The following SYNPR variants were observed in gnomAD, a reference collection of about 807,000 sequenced individuals.
SYNPR encodes the protein synaptoporin.
A neutral mutation model predicts 32.9 loss-of-function variants in SYNPR; 23 were observed. The ratio of observed to expected loss-of-function variants is 0.70; its 90% CI spans 0.50 to 0.99. The LOEUF (loss-of-function observed/expected upper bound fraction) is 0.99. Among genes scored for constraint, SYNPR ranks in the 50% least tolerant of loss-of-function variants. The pLI is 0.00. For synonymous variants in SYNPR, 146 were observed against 135.9 expected (o/e 1.07, Z -0.52); for missense variants, 318 against 349.3 (o/e 0.91, Z 0.71).
At chr3:63,285,125 T>G (rs756325453) in intron 2 of SYNPR, among the ~76,000 whole-genome samples, 1 of 152,250 alleles carries the variant, frequency 6.6e-6, no homozygotes, top group African/African-American at 2.4e-5. Flanking sequence ...TTTTACAGTG[T>G]TTATCTCAGT....
Position 63,548,689 on chromosome 3 carries a change from G to A in SYNPR, c.210-7854G>A, listed in dbSNP as rs566700848. Among the ~76,000 whole-genome samples the A allele has an allele frequency of 1.2e-4, 19 of 152,226 alleles. No individual in the cohort carries two copies. In the South Asian group the frequency reaches 2.9e-3, roughly 23 times the overall value. On this transcript the variant is annotated intron_variant, in intron 3 of 5. Coordinates refer to ENST00000478300, the MANE Select transcript of SYNPR (RefSeq NM_001130003.2). ...AACAGGGCCTATCAAAAATAATCACGTAAAGAGAAAACGTACTCAGCACTA... is the reference window on the plus strand; with the variant it reads ...AACAGGGCCTATCAAAAATAATCACATAAAGAGAAAACGTACTCAGCACTA...
the SYNPR span, among the ~76,000 whole-genome samples, chr3:63,200,974 A>T: frequency 6.6e-6 from 1 of 152,272 alleles, no homozygotes; most frequent in Non-Finnish European, 1.5e-5. Context: ...ATCTAGATGT[A>T]CCCAGGCAGT....
At chr3:63,363,385 T>C (rs1259952535) in intron 2 of SYNPR, among the ~76,000 whole-genome samples, 1 of 152,244 alleles carries the variant, frequency 6.6e-6, no homozygotes, top group African/African-American at 2.4e-5. Flanking sequence ...TGGTAACATA[T>C]ATTTCTTCCT....
chr3:63,280,942 T>A (rs1254278651), intron 2 of SYNPR, among the ~76,000 whole-genome samples: 1 of 152,188 alleles, frequency 6.6e-6, no homozygotes, highest in Non-Finnish European at 1.5e-5. Flanking sequence ...ACAAAGCAAA[T>A]TTTAAAAGTT....
At chr3:63,557,443 T>C (rs979385523) in intron 4 of SYNPR, among the ~76,000 whole-genome samples, 9 of 152,208 alleles carry the variant, frequency 5.9e-5, no homozygotes, top group South Asian at 2.1e-4. Context: ...AGTATCCTTA[T>C]TTACCAACTC....
At chr3:63,230,690 T>C (rs2086160104) in intron 1 of SYNPR, among the ~76,000 whole-genome samples, 2 of 152,180 alleles carry the variant, frequency 1.3e-5, no homozygotes, top group African/African-American at 2.4e-5. Flanking sequence ...TTTGTAATAT[T>C]AACTAATGAC....
intron 2 of SYNPR, among the ~76,000 whole-genome samples, chr3:63,355,220 G>A (rs968153315): frequency 4.0e-5 from 6 of 151,678 alleles, no homozygotes; most frequent in East Asian, 1.9e-4. Flanking sequence ...TGGAGGTTGC[G>A]GTGAGCCAAG....
At chr3:63,584,597 C>T (rs1380233057) in intron 4 of SYNPR, among the ~76,000 whole-genome samples, 1 of 151,938 alleles carries the variant, frequency 6.6e-6, no homozygotes. Context: ...TCAGGATTTA[C>T]GTTGGGTGCT....
At chr3:63,330,769 C>G (rs1259823567) in intron 2 of SYNPR, among the ~76,000 whole-genome samples, 1 of 151,904 alleles carries the variant, frequency 6.6e-6, no homozygotes, top group Non-Finnish European at 1.5e-5. Flanking sequence ...AAGTTGAGGT[C>G]CAGAGAGATT....
chr3:63,571,604 AT>A (rs1575717358), intron 4 of SYNPR, among the ~76,000 whole-genome samples: 1 of 152,290 alleles, frequency 6.6e-6, no homozygotes, highest in East Asian at 1.9e-4. Context: ...TGTATTCAAA[AT>A]TCAGAAAATT....
intron 2 of SYNPR, among the ~76,000 whole-genome samples, chr3:63,393,098 A>G (rs549169715): frequency 6.6e-6 from 1 of 152,326 alleles, no homozygotes; most frequent in African/African-American, 2.4e-5. Flanking sequence ...ACTGAAAAAT[A>G]TATTTTCTTT....
chr3:63,340,670 C>T (rs1397868303), intron 2 of SYNPR, among the ~76,000 whole-genome samples: 3 of 152,188 alleles, frequency 2.0e-5, no homozygotes, highest in Non-Finnish European at 1.5e-5. Flanking sequence ...CTGCCCGCCT[C>T]GGCCTCCCAA....
chr3:63,320,031 C>T (rs2087091711), intron 2 of SYNPR, among the ~76,000 whole-genome samples: 1 of 151,952 alleles, frequency 6.6e-6, no homozygotes, highest in South Asian at 2.1e-4. Flanking sequence ...TTCACTGCGG[C>T]CTCAAACTCC....
chr3:63,368,052 T>C (rs1466849301), intron 2 of SYNPR, among the ~76,000 whole-genome samples: 1 of 152,156 alleles, frequency 6.6e-6, no homozygotes, highest in African/African-American at 2.4e-5. Flanking sequence ...AAACGAGACA[T>C]TGATTTTGGC....
At chr3:63,585,455 C>CCCG (rs1553649477) in intron 4 of SYNPR, among the ~76,000 whole-genome samples, 9 of 138,148 alleles carry the variant, frequency 6.5e-5, no homozygotes, top group African/African-American at 1.7e-4. Flanking sequence ...CCATGCCCCC[C>CCCG]CCCTCCGCCC....
At chr3:63,510,818 C>T (rs943931737) in intron 3 of SYNPR, among the ~76,000 whole-genome samples, 3 of 151,752 alleles carry the variant, frequency 2.0e-5, no homozygotes, top group Non-Finnish European at 4.4e-5. Context: ...CTCTGGGATA[C>T]AAGAAAAGAA....
At chr3:63,402,347 G>T (rs1191595901) in intron 2 of SYNPR, among the ~76,000 whole-genome samples, 1 of 151,966 alleles carries the variant, frequency 6.6e-6, no homozygotes. Context: ...AACGGGGAGA[G>T]GCAGAATCTC....
chr3:63,280,955 A>G (rs1002905376), intron 2 of SYNPR, among the ~76,000 whole-genome samples: 2 of 152,220 alleles, frequency 1.3e-5, no homozygotes, highest in Admixed American at 1.3e-4. Context: ...TAAAAGTTAG[A>G]TAAGTTAGTT....
At chr3:63,285,429 G>A (rs1320460055) in intron 2 of SYNPR, among the ~76,000 whole-genome samples, 1 of 152,192 alleles carries the variant, frequency 6.6e-6, no homozygotes, top group Non-Finnish European at 1.5e-5. Context: ...GTATAAACAA[G>A]ACGGGGAATT....
Sources: gnomAD v4.1 joint callset for allele counts (sites outside exome capture counted in the v4.1 genomes callset) on GRCh38, gnomAD v4.1.1 for gene constraint, MANE v1.5 for transcripts, NCBI Gene and HGNC (gene_info 2026-07-23, HGNC 2026-07-21) for gene names.